Variants in PGAP1 observed in about 807,000 individuals in gnomAD.
The protein encoded by PGAP1 is post-GPI attachment to proteins inositol deacylase 1, also known as GPI inositol-deacylase.
In PGAP1, 76 loss-of-function variants were observed where a neutral mutation model predicts 127.0. The observed-to-expected ratio is 0.60, with a 90% CI of 0.50 to 0.72. The LOEUF is 0.72. Ranked by LOEUF, PGAP1 falls within the 30% of genes least tolerant of loss-of-function variation. The pLI is 0.00. For synonymous variants in PGAP1, 362 were observed against 366.5 expected, an observed-to-expected ratio of 0.99 and a Z score of 0.14; for missense variants, 982 against 1,071.3, an observed-to-expected ratio of 0.92 and a Z score of 1.16.
At chr2:196,845,735 A>T in intron 23 of PGAP1, 147 bp downstream of exon 23, 1 of 514,340 alleles carries the variant, frequency 1.9e-6, no homozygotes, top group Non-Finnish European at 3.2e-6. Flanking sequence ...TATGTAATTT[A>T]AATAACTAAT....
Position 196,916,528 on chromosome 2 carries a change from A to C in PGAP1, c.367T>G (p.Phe123Val). ...EDIDFKYHFD[F>V]FSVNFNEELV... ...TCTTCATTGAAGTTCACACTAAAGA[A>C]GTCAAAGTGGTACTTGAAGTCAATG... is the stretch of plus-strand genomic sequence containing the variant. The change falls in exon 3 of 27, where the codon TTC becomes GTC. Residue 123 changes from phenylalanine to valine, a missense_variant. By Grantham distance (50) the Phe-to-Val change is conservative. Transcript: ENST00000354764. The C allele has an allele frequency of 6.2e-7, 1 of 1,613,626 alleles. No homozygotes were observed. The highest frequency in any genetic ancestry group is 8.5e-7 in the Non-Finnish European group (1 of 1,179,770).
intron 3 of PGAP1, 79 bp from the exon 4 acceptor site, chr2:196,913,132 C>T: frequency 7.7e-7 from 1 of 1,299,526 alleles, no homozygotes; most frequent in Non-Finnish European, 1.1e-6. Context: ...CTGCATATGA[C>T]CAATTTTATA....
chr2:196,903,560 C>CAAAAAAAAAAAA (rs11312715), intron 4 of PGAP1, among the ~76,000 whole-genome samples: 3 of 79,324 alleles, frequency 3.8e-5, no homozygotes, highest in Non-Finnish European at 5.3e-5. Flanking sequence ...GACTCTGTCT[C>CAAAAAAAAAAAA]AAAAAAAAAA....
At chr2:196,867,649 T>C (rs1701285047) in intron 19 of PGAP1, among the ~76,000 whole-genome samples, 1 of 152,214 alleles carries the variant, frequency 6.6e-6, no homozygotes, top group South Asian at 2.1e-4. Context: ...TAAGTTCTTT[T>C]AATGTCACAT....
intron 12 of PGAP1, 105 bp from the exon 13 acceptor site, chr2:196,880,258 G>T: frequency 1.4e-6 from 1 of 710,108 alleles, no homozygotes; most frequent in Non-Finnish European, 2.2e-6. Flanking sequence ...ATCTTAAAAA[G>T]CAGGCTTCCA....
intron 20 of PGAP1, among the ~76,000 whole-genome samples, chr2:196,855,168 CA>C (rs1700838968): frequency 6.6e-6 from 1 of 150,880 alleles, no homozygotes; most frequent in Non-Finnish European, 1.5e-5. Context: ...TACTAAAATA[CA>C]AAAAAAATTA....
intron 7 of PGAP1, among the ~76,000 whole-genome samples, chr2:196,894,502 CCTGT>C (rs937636904): frequency 6.6e-6 from 1 of 152,132 alleles, no homozygotes; most frequent in Non-Finnish European, 1.5e-5. Context: ...AATGTTACAG[CCTGT>C]CTATCAAAAC....
At chr2:196,876,528 C>T (rs1701574536) in intron 13 of PGAP1, among the ~76,000 whole-genome samples, 1 of 152,082 alleles carries the variant, frequency 6.6e-6, no homozygotes, top group Non-Finnish European at 1.5e-5. Flanking sequence ...AGAAACTCTG[C>T]TCTCACTTAT....
chr2:196,868,814 CTCAA>C (rs1359851691), intron 19 of PGAP1, among the ~76,000 whole-genome samples: 1 of 152,124 alleles, frequency 6.6e-6, no homozygotes, highest in Non-Finnish European at 1.5e-5. Flanking sequence ...TCTTCTGTGA[CTCAA>C]TCAGCAACAT....
chr2:196,923,172 T>C (rs1381756028), intron 1 of PGAP1, among the ~76,000 whole-genome samples: 4 of 152,204 alleles, frequency 2.6e-5, no homozygotes, highest in South Asian at 2.1e-4. Context: ...TAGAGATATT[T>C]TACATATATA....
At chr2:196,848,981 T>C (rs1700637619) in intron 20 of PGAP1, among the ~76,000 whole-genome samples, 1 of 152,226 alleles carries the variant, frequency 6.6e-6, no homozygotes, top group African/African-American at 2.4e-5. Flanking sequence ...ATTTGTCTTT[T>C]TAAAATTATA....
intron 5 of PGAP1, among the ~76,000 whole-genome samples, chr2:196,899,755 C>G (rs1010234415): frequency 2.6e-5 from 4 of 152,208 alleles, no homozygotes; most frequent in African/African-American, 9.6e-5. Context: ...TGACTGAGAT[C>G]GGGCGTAGTG....
In PGAP1 at chr2:196,894,700, G is replaced by A. The variant is rs1702217692; in HGVS notation, c.928-1455C>T. On this transcript the variant is annotated intron_variant, in intron 7 of 26. Coordinates refer to ENST00000354764, the MANE Select transcript of PGAP1 (RefSeq NM_024989.4). ...ACCTGTGGTTCCAGCTACTCGGGAG[G>A]CTGAGGCAGAAGAATGGCATGAACC... is the stretch of plus-strand genomic sequence containing the variant. Among the ~76,000 whole-genome samples, 3 of 152,274 alleles carry A rather than the reference G, an allele frequency of 2.0e-5. No homozygotes were observed. The South Asian group carries it at 6.2e-4, about 32-fold the overall frequency.
intron 7 of PGAP1, among the ~76,000 whole-genome samples, chr2:196,895,134 A>G (rs1702230940): frequency 6.6e-6 from 1 of 152,202 alleles, no homozygotes; most frequent in African/African-American, 2.4e-5. Flanking sequence ...TTTCATAAAC[A>G]GTATTTTTGA....
intron 2 of PGAP1, among the ~76,000 whole-genome samples, chr2:196,918,140 G>A (rs372736914): frequency 2.1e-4 from 32 of 152,168 alleles, no homozygotes; most frequent in African/African-American, 6.3e-4. Context: ...TCTCTTCATA[G>A]TGAAGCCAGA....
chr2:196,877,265 T>C (rs1274985224), intron 13 of PGAP1, among the ~76,000 whole-genome samples: 1 of 152,132 alleles, frequency 6.6e-6, no homozygotes, highest in Non-Finnish European at 1.5e-5. Flanking sequence ...TTTGCATTTC[T>C]AAAAATATAC....
rs770741997 is a variant in PGAP1 at position 196,890,898 on chromosome 2, A to G, written c.1103T>C (p.Ile368Thr). ...TYVAYNESEK[I>T]YFTFPLENHR... ...ATTTTCAAGAGGAAATGTAAAATAT[A>G]TCTTCTCAGATTCCTACAAAAAGAA... The change falls in exon 10 of 27, where the codon ATA becomes ACA. Residue 368 changes from isoleucine to threonine, a missense_variant. Coordinates refer to ENST00000354764, the MANE Select transcript of PGAP1 (RefSeq NM_024989.4). 2.0e-6 allele frequency: 3 copies of G among 1,496,608 alleles called. No individual in the cohort carries two copies. Among genetic ancestry groups the G allele is most frequent in the Non-Finnish European group, 2.8e-6 (3 of 1,074,062 alleles). 92.7% of individuals were successfully genotyped at this position (1,496,608 alleles called of 1,614,324 possible). A position where few individuals can be genotyped will look rare whatever the true frequency, so the allele number is the denominator to read the frequency against.
rs1700376187 is a variant in PGAP1 at position 196,840,493 on chromosome 2, T to C, written c.*741A>G. On this transcript the variant is annotated 3_prime_UTR_variant, in exon 27 of 27. Transcript: ENST00000354764. ...AGCAAATAGCTACGAGCATTTTTTC[T>C]TTACATTTAACAGCAGACCTCTTTA... 6.6e-6 allele frequency: 1 copy of C among 152,150 alleles called. No homozygotes were observed. The highest frequency in any genetic ancestry group is 1.9e-4 in the East Asian group (1 of 5,200). The allele number at this position is 152,150 out of a possible 1,614,324, so 9.4% of individuals were successfully genotyped here.
intron 4 of PGAP1, among the ~76,000 whole-genome samples, chr2:196,912,564 A>G (rs906002434): frequency 1.2e-4 from 17 of 146,048 alleles, no homozygotes; most frequent in African/African-American, 4.1e-4. Flanking sequence ...TGGGAGAAAG[A>G]GCAAGACCCT....
Sources: allele counts gnomAD v4.1 joint callset (sites outside exome capture counted in the v4.1 genomes callset), GRCh38; gene constraint gnomAD v4.1.1; transcripts MANE v1.5; gene names NCBI Gene and HGNC (gene_info 2026-07-23, HGNC 2026-07-21).